ZNF506: variants seen among roughly 807,000 people sequenced by gnomAD.
ZNF506 encodes zinc finger protein 506.
Under a neutral mutation model 11.6 loss-of-function variants are expected in ZNF506, and 10 were observed. That is an observed-to-expected ratio of 0.86 (90% CI 0.53 to 1.46). The LOEUF (loss-of-function observed/expected upper bound fraction) is 1.46. Ranked by LOEUF, ZNF506 falls within the 40% of genes most tolerant of loss-of-function variation. The pLI is 0.00. For missense variants in ZNF506, 425 were observed against 521.2 expected (o/e 0.82, Z 1.80); for synonymous variants, 156 against 173.3 (o/e 0.90, Z 0.78).
chr19:19,810,603 G>A (rs1410039447), intron 1 of ZNF506, among the ~76,000 whole-genome samples: 1 of 151,898 alleles, frequency 6.6e-6, no homozygotes, highest in East Asian at 1.9e-4. Flanking sequence ...ACAGATGGAA[G>A]AGATATAGAA....
rs760538411 is a variant in ZNF506 at position 19,794,747 on chromosome 19, T to C, written c.1140A>G (p.Ala380=). 8.1e-5 allele frequency: 130 copies of C among 1,613,392 alleles called. 1 individual carries two copies. In the East Asian group the frequency reaches 2.9e-3, roughly 36 times the overall value. The stretch of plus-strand genomic sequence containing the variant: ...TCTTATGTTCAGTTAGAGTTGAGAA[T>C]GCAGTAAAGGCTTTGCCACATTCTT... ...KCEECGKAFT[A]FSTLTEHKII... The change falls in exon 4 of 4, where the codon GCA becomes GCG. Residue 380 remains alanine, a synonymous_variant. Coordinates refer to ENST00000540806, the MANE Select transcript of ZNF506 (RefSeq NM_001099269.3).
At chr19:19,817,526 C>G (rs1335200398) in intron 1 of ZNF506, among the ~76,000 whole-genome samples, 1 of 151,806 alleles carries the variant, frequency 6.6e-6, no homozygotes, top group African/African-American at 2.4e-5. Flanking sequence ...TCATCTTAAC[C>G]TCAACTGCAT....
rs754656840 is a variant in ZNF506, at chr19:19,795,306, A to C, written c.581T>G (p.Ile194Ser). 27 of 1,613,794 alleles carry C rather than the reference A, an allele frequency of 1.7e-5. No individual in the cohort carries two copies. The highest frequency in any genetic ancestry group is 2.3e-5 in the Non-Finnish European group (27 of 1,179,966). Residue 194 changes from isoleucine to serine, a missense_variant, in exon 4 of 4, where the codon ATT becomes AGT. Around this residue, in one of 3 missense-constraint regions of ZNF506, gnomAD observed 226 missense variants for 279.1 expected, o/e 0.81. Coordinates refer to ENST00000540806, the MANE Select transcript of ZNF506 (RefSeq NM_001099269.3). ...QSSTRTTYKKIDAGEKRYKCE... is the reference protein window; with the variant it reads ...QSSTRTTYKKSDAGEKRYKCE... Reference sequence around the variant, plus strand: ...TTTATAGCGTTTCTCTCCAGCATCAATTTTCTTATATGTAGTACGGGTTGA... The same window carrying C: ...TTTATAGCGTTTCTCTCCAGCATCACTTTTCTTATATGTAGTACGGGTTGA...
In ZNF506 at chr19:19,794,631, T is replaced by G. The variant is rs2062722155; in HGVS notation, c.1256A>C (p.His419Pro). The G allele has an allele frequency of 6.2e-7, 1 of 1,613,088 alleles. No individual in the cohort carries two copies. Among genetic ancestry groups the G allele is most frequent in the Admixed American group, 1.7e-5 (1 of 59,718 alleles). ...CACTATGCAGGGTTTCTGTCTAATATGAATTTTCTTATGTTTATTAAGGGC... is the reference window on the plus strand; with the variant it reads ...CACTATGCAGGGTTTCTGTCTAATAGGAATTTTCTTATGTTTATTAAGGGC... ...SSALNKHKKI[H>P]IRQKPCIVKN... Residue 419 changes from histidine to proline, a missense_variant, in exon 4 of 4, where the codon CAT becomes CCT. Physicochemically the swap from His to Pro is moderately conservative, Grantham distance 77. Around this residue, in one of 3 missense-constraint regions of ZNF506, gnomAD observed 192 missense variants for 215.7 expected, o/e 0.89. Coordinates refer to ENST00000540806, the MANE Select transcript of ZNF506 (RefSeq NM_001099269.3).
intron 1 of ZNF506, among the ~76,000 whole-genome samples, chr19:19,814,290 T>G (rs28680895): frequency 0.015 from 2,204 of 151,738 alleles, 46 homozygotes; most frequent in African/African-American, 0.048. Context: ...TGCCTGTAAT[T>G]CCAGCTACTC....
intron 1 of ZNF506, among the ~76,000 whole-genome samples, chr19:19,815,053 C>A (rs150352990): frequency 6.6e-6 from 1 of 152,018 alleles, no homozygotes; most frequent in African/African-American, 2.4e-5. Flanking sequence ...GTCAGGAGAT[C>A]GAGACCATCC....
intron 3 of ZNF506, chr19:19,796,321 C>CT (rs1381219127): frequency 6.6e-6 from 1 of 152,034 alleles, no homozygotes; most frequent in Non-Finnish European, 1.5e-5. Context: ...CCCCTGGTTT[C>CT]TTTTTTAAAA....
intron 1 of ZNF506, among the ~76,000 whole-genome samples, chr19:19,814,104 T>C (rs1340868170): frequency 6.6e-6 from 1 of 152,024 alleles, no homozygotes; most frequent in African/African-American, 2.4e-5. Context: ...TGGAGACCAT[T>C]ATTCTTAGAA....
intron 1 of ZNF506, among the ~76,000 whole-genome samples, chr19:19,809,157 T>C (rs889070166): frequency 1.3e-5 from 2 of 152,204 alleles, no homozygotes; most frequent in Non-Finnish European, 2.9e-5. Context: ...CATCTTTCCA[T>C]GTTCAACAGC....
At position 19,803,497 on chromosome 19, in the gene ZNF506, A is replaced by T. The variant is rs1451621678; in HGVS notation, c.226+2534T>A. 2.0e-5 allele frequency among the ~76,000 whole-genome samples: 3 copies of T among 152,216 alleles called. No individual in the cohort carries two copies. In the East Asian group the frequency reaches 5.8e-4, roughly 29 times the overall value. On this transcript the variant is annotated intron_variant, in intron 3 of 3. Transcript: ENST00000540806. ...CATATGCAGAACCGTGTGCAAAAACATGTCCTAATGTCTGCCCTATGGAGC... is the reference window on the plus strand; with the variant it reads ...CATATGCAGAACCGTGTGCAAAAACTTGTCCTAATGTCTGCCCTATGGAGC...
chr19:19,813,599 A>C (rs2062901592), intron 1 of ZNF506, among the ~76,000 whole-genome samples: 1 of 152,224 alleles, frequency 6.6e-6, no homozygotes, highest in Non-Finnish European at 1.5e-5. Flanking sequence ...ATCCACATGC[A>C]TGTTCATTGC....
intron 3 of ZNF506, among the ~76,000 whole-genome samples, chr19:19,801,635 A>G (rs2062793791): frequency 6.6e-6 from 1 of 151,836 alleles, no homozygotes; most frequent in South Asian, 2.1e-4. Flanking sequence ...GACTAAAAAT[A>G]CACAAATTAG....
Position 19,795,057 on chromosome 19 carries a change from T to C in ZNF506, c.830A>G (p.Lys277Arg). The C allele has an allele frequency of 1.9e-6, 3 of 1,613,644 alleles. No individual in the cohort carries two copies. The highest frequency in any genetic ancestry group is 2.5e-6 in the Non-Finnish European group (3 of 1,179,880). The change falls in exon 4 of 4, where the codon AAA (lysine) becomes AGA (arginine). Residue 277 changes from lysine to arginine, a missense_variant. This residue lies in a region of ZNF506 where 192 missense variants were observed against 215.7 expected (regional missense o/e 0.89). Transcript: ENST00000540806. ...NHPATLFSHK[K>R]IHTGEKPYKC... is the part of the protein sequence containing the mutation. Reference sequence around the variant, plus strand: ...GTATGGTTTCTCTCCAGTATGAATTTTCTTATGTGAAAAAAGGGTTGCAGG... The same window carrying C: ...GTATGGTTTCTCTCCAGTATGAATTCTCTTATGTGAAAAAAGGGTTGCAGG...
rs192315773 is a variant in ZNF506, at chr19:19,816,363, C to T, written c.3+5238G>A. Among the ~76,000 whole-genome samples, 886 of 151,200 alleles carry T rather than the reference C, an allele frequency of 5.9e-3. 3 individuals carry two copies. The highest frequency in any genetic ancestry group is 7.9e-3 in the Non-Finnish European group (537 of 67,622). On this transcript the variant is annotated intron_variant, in intron 1 of 3. Coordinates refer to ENST00000540806, the MANE Select transcript of ZNF506 (RefSeq NM_001099269.3). ...CACACCCAGCTAATTTTTGTTTTTT[C>T]GGTGGTGTTTTTGAGATGGAGTCTT...
intron 3 of ZNF506, chr19:19,798,177 G>A (rs2062758567): frequency 6.6e-6 from 1 of 152,160 alleles, no homozygotes. Flanking sequence ...TGGAAATTAT[G>A]AACATCTGTT....
chr19:19,812,547 T>C (rs998452084), intron 1 of ZNF506, among the ~76,000 whole-genome samples: 2 of 152,246 alleles, frequency 1.3e-5, no homozygotes, highest in African/African-American at 4.8e-5. Context: ...TCACATTCTA[T>C]TTCCTCCTGG....
In ZNF506 at chr19:19,821,717, G is replaced by A. The variant is rs901765499; in HGVS notation, c.-114C>T. On this transcript the variant is annotated 5_prime_UTR_variant, in exon 1 of 4. Coordinates refer to ENST00000540806, the MANE Select transcript of ZNF506 (RefSeq NM_001099269.3). ...GCTGACGGCACAGAGCAGTGAAGAC[G>A]ATAGCTGGATCTCTGGCGTCAGCGA... The A allele has an allele frequency of 9.6e-6, 13 of 1,358,960 alleles. No individual in the cohort carries two copies. In the African/African-American group the frequency reaches 1.4e-4, roughly 15 times the overall value. The allele number at this position is 1,358,960 out of a possible 1,614,324, so 84.2% of individuals were successfully genotyped here. A position where few individuals can be genotyped will look rare whatever the true frequency, so the allele number is the denominator to read the frequency against.
chr19:19,815,813 G>A (rs1435686263), intron 1 of ZNF506, among the ~76,000 whole-genome samples: 7 of 152,262 alleles, frequency 4.6e-5, no homozygotes, highest in Non-Finnish European at 2.9e-5. Context: ...CCTCTCTGAA[G>A]TTCAATAATT....
chr19:19,818,137 G>C (rs951611881), intron 1 of ZNF506, among the ~76,000 whole-genome samples: 2 of 152,092 alleles, frequency 1.3e-5, no homozygotes, highest in Admixed American at 1.3e-4. Flanking sequence ...TAAGGTGCTT[G>C]CATTTTATAC....
Sources: allele counts gnomAD v4.1 joint callset (sites outside exome capture counted in the v4.1 genomes callset), GRCh38; gene constraint gnomAD v4.1.1; regional missense constraint gnomAD v4.1.1; transcripts MANE v1.5; gene names NCBI Gene and HGNC (gene_info 2026-07-23, HGNC 2026-07-21).